The following KHDRBS2 variants were observed in gnomAD, a reference collection of about 807,000 sequenced individuals.
KHDRBS2 encodes KH RNA binding domain containing, signal transduction associated 2.
In KHDRBS2, 26 loss-of-function variants were observed where a neutral mutation model predicts 44.3. That is an observed-to-expected ratio of 0.59 (90% CI 0.43 to 0.81). KHDRBS2 has a LOEUF of 0.81. KHDRBS2 is among the 40% of genes least tolerant of loss of function. The pLI is 0.00. For missense variants in KHDRBS2, 476 were observed against 433.1 expected (o/e 1.10, Z -0.88); for synonymous variants, 194 against 151.1 (o/e 1.28, Z -2.08).
At chr6:61,900,690 T>C (rs776814035) in intron 5 of KHDRBS2, among the ~76,000 whole-genome samples, 11 of 152,234 alleles carry the variant, frequency 7.2e-5, no homozygotes, top group Non-Finnish European at 1.0e-4. Flanking sequence ...TCTGGCTTTC[T>C]GGGCTGATGG....
intron 2 of KHDRBS2, among the ~76,000 whole-genome samples, chr6:62,168,398 C>T (rs1819143181): frequency 6.6e-6 from 1 of 152,078 alleles, no homozygotes; most frequent in Non-Finnish European, 1.5e-5. Flanking sequence ...GCTGAATTGC[C>T]TAGGTGAACA....
chr6:62,029,423 A>G (rs1230667477), intron 3 of KHDRBS2, among the ~76,000 whole-genome samples: 1 of 151,934 alleles, frequency 6.6e-6, no homozygotes, highest in East Asian at 1.9e-4. Flanking sequence ...CTGTTTCATA[A>G]AAAGTATCAA....
chr6:61,716,957 A>G (rs535881931), intron 7 of KHDRBS2, among the ~76,000 whole-genome samples: 1 of 152,140 alleles, frequency 6.6e-6, no homozygotes, highest in South Asian at 2.1e-4. Flanking sequence ...TTCCAATTCT[A>G]AATTAACCTG....
At chr6:61,606,812 T>C in the KHDRBS2 span, among the ~76,000 whole-genome samples, 3,263 of 152,250 alleles carry the variant, frequency 0.021, 116 homozygotes, top group African/African-American at 0.074. Flanking sequence ...GCAAATATCT[T>C]CCACAAAAAG....
At chr6:62,254,300 A>C (rs1167740044) in intron 1 of KHDRBS2, among the ~76,000 whole-genome samples, 4 of 152,098 alleles carry the variant, frequency 2.6e-5, no homozygotes, top group Non-Finnish European at 5.9e-5. Context: ...TATTTCATTC[A>C]ACAAATATTT....
chr6:61,868,589 C>T (rs1438238556), intron 6 of KHDRBS2, among the ~76,000 whole-genome samples: 8 of 152,196 alleles, frequency 5.3e-5, no homozygotes, highest in African/African-American at 9.6e-5. Context: ...GCAGTCTAGC[C>T]GCATTTTGGT....
chr6:61,589,177 C>T, the KHDRBS2 span, among the ~76,000 whole-genome samples: 1 of 152,076 alleles, frequency 6.6e-6, no homozygotes. Context: ...ACCACCATGG[C>T]ACATGTATAA....
chr6:61,974,936 AT>A (rs1325854343), intron 4 of KHDRBS2, among the ~76,000 whole-genome samples: 3 of 2,934 alleles, frequency 1.0e-3, no homozygotes, highest in Admixed American at 5.5e-3. Context: ...ATCTTAAAAA[AT>A]AAATAAATAA....
intron 6 of KHDRBS2, among the ~76,000 whole-genome samples, chr6:61,768,756 C>T (rs775314617): frequency 6.6e-5 from 10 of 152,024 alleles, no homozygotes; most frequent in African/African-American, 2.4e-4. Context: ...GTCTTTCCTA[C>T]CCTTTTCACT....
chr6:62,096,274 T>C (rs1800581563), intron 2 of KHDRBS2, among the ~76,000 whole-genome samples: 6 of 152,022 alleles, frequency 3.9e-5, no homozygotes, highest in Admixed American at 3.3e-4. Flanking sequence ...TTGTTGTTGT[T>C]GTTAAAACAA....
chr6:61,949,632 A>C (rs1764335112), intron 4 of KHDRBS2, among the ~76,000 whole-genome samples: 1 of 152,100 alleles, frequency 6.6e-6, no homozygotes, highest in African/African-American at 2.4e-5. Context: ...GACATACTAG[A>C]AATTTTATCT....
chr6:61,772,830 C>T (rs1385081194), intron 6 of KHDRBS2, among the ~76,000 whole-genome samples: 1 of 151,984 alleles, frequency 6.6e-6, no homozygotes, highest in Non-Finnish European at 1.5e-5. Flanking sequence ...GTGATGTTCC[C>T]CTTCCTGTGT....
the KHDRBS2 span, among the ~76,000 whole-genome samples, chr6:61,604,452 C>T: frequency 6.6e-6 from 1 of 152,226 alleles, no homozygotes; most frequent in Non-Finnish European, 1.5e-5. Context: ...TCTCTTCCCA[C>T]ACAAGGCAAA....
intron 4 of KHDRBS2, among the ~76,000 whole-genome samples, chr6:61,930,696 C>CA (rs999097359): frequency 5.5e-5 from 8 of 145,912 alleles, no homozygotes; most frequent in East Asian, 2.0e-4. Context: ...GACCCCGTCT[C>CA]AAAAAAAAAG....
intron 2 of KHDRBS2, among the ~76,000 whole-genome samples, chr6:62,112,522 C>T (rs538613910): frequency 5.9e-5 from 9 of 152,084 alleles, no homozygotes; most frequent in Non-Finnish European, 8.8e-5. Context: ...TACACACCAG[C>T]AAATATGTTC....
the KHDRBS2 span, among the ~76,000 whole-genome samples, chr6:61,674,450 T>C: frequency 2.0e-5 from 3 of 151,764 alleles, no homozygotes; most frequent in African/African-American, 7.2e-5. Context: ...AGTGTGACAC[T>C]ACTTCCTCTT....
chr6:62,170,543 C>T (rs1455286858), intron 2 of KHDRBS2, among the ~76,000 whole-genome samples: 7 of 152,094 alleles, frequency 4.6e-5, no homozygotes, highest in Non-Finnish European at 8.8e-5. Context: ...CTCTTAAGTG[C>T]CACCTACTGG....
intron 2 of KHDRBS2, among the ~76,000 whole-genome samples, chr6:62,093,716 T>G (rs557171270): frequency 1.7e-4 from 26 of 151,978 alleles, no homozygotes; most frequent in African/African-American, 6.0e-4. Context: ...ATGTTTTAGA[T>G]TCCCATTTAA....
intron 1 of KHDRBS2, among the ~76,000 whole-genome samples, chr6:62,196,880 G>A (rs1825819895): frequency 6.6e-6 from 1 of 152,022 alleles, no homozygotes. Flanking sequence ...CTTATGGTGT[G>A]TGTACAGCCA....
Sources: allele counts gnomAD v4.1 joint callset (sites outside exome capture counted in the v4.1 genomes callset), GRCh38; gene constraint gnomAD v4.1.1; transcripts MANE v1.5; gene names NCBI Gene and HGNC (gene_info 2026-07-23, HGNC 2026-07-21).